Variants in DLGAP1 observed in about 807,000 individuals in gnomAD.
DLGAP1 encodes the protein DLG associated protein 1, also known as disks large-associated protein 1.
In DLGAP1, 11 loss-of-function variants were observed where a neutral mutation model predicts 90.8. The observed-to-expected ratio is 0.12, with a 90% confidence interval of 0.08 to 0.20. The LOEUF is 0.20. DLGAP1 is among the 10% of genes least tolerant of loss of function. The pLI is 1.00. For missense variants in DLGAP1, 1,050 were observed against 1,333.8 expected (o/e 0.79, Z 3.31); for synonymous variants, 558 against 540.7 (o/e 1.03, Z -0.44).
At chr18:3,780,813 T>A (rs1049454158) in intron 5 of DLGAP1, among the ~76,000 whole-genome samples, 4 of 152,122 alleles carry the variant, frequency 2.6e-5, no homozygotes, top group Admixed American at 6.5e-5. Context: ...ATTTATATAT[T>A]TTTTAGAGAC....
At chr18:3,819,660 T>C (rs1372886489) in intron 4 of DLGAP1, among the ~76,000 whole-genome samples, 1 of 152,212 alleles carries the variant, frequency 6.6e-6, no homozygotes, top group Non-Finnish European at 1.5e-5. Flanking sequence ...TAACCTCAGT[T>C]TGTCAAATAG....
chr18:3,651,229 G>T (rs1464160459), intron 7 of DLGAP1, among the ~76,000 whole-genome samples: 9 of 151,834 alleles, frequency 5.9e-5, no homozygotes, highest in African/African-American at 2.2e-4. Context: ...CATGGTGGCA[G>T]GCGCCTGTAA....
At chr18:3,894,859 A>G (rs2071575116) in intron 3 of DLGAP1, 1 of 152,122 alleles carries the variant, frequency 6.6e-6, no homozygotes. Context: ...ATCTTTGATG[A>G]TACTATTCAG....
intron 7 of DLGAP1, among the ~76,000 whole-genome samples, chr18:3,609,166 C>G (rs1366192855): frequency 1.3e-5 from 2 of 151,980 alleles, no homozygotes; most frequent in Non-Finnish European, 2.9e-5. Flanking sequence ...TCCTCAGCCT[C>G]CCAAGTAGCT....
chr18:3,758,109 G>GAA (rs1318845697), intron 5 of DLGAP1, among the ~76,000 whole-genome samples: 235 of 72,034 alleles, frequency 3.3e-3, no homozygotes, highest in African/African-American at 9.4e-3. Flanking sequence ...TCTATCTTGA[G>GAA]AAAAAAAAAA....
At chr18:3,550,977 G>T (rs1199260245) in intron 9 of DLGAP1, among the ~76,000 whole-genome samples, 1 of 151,492 alleles carries the variant, frequency 6.6e-6, no homozygotes. Context: ...CCTGACCTCA[G>T]GTGATCCACC....
At chr18:3,785,917 A>G (rs2065429969) in intron 5 of DLGAP1, among the ~76,000 whole-genome samples, 1 of 152,126 alleles carries the variant, frequency 6.6e-6, no homozygotes, top group Admixed American at 6.5e-5. Context: ...TTTTGGGGTA[A>G]AGTGTGCTGG....
intron 1 of DLGAP1, among the ~76,000 whole-genome samples, chr18:4,316,992 G>T (rs1224635586): frequency 6.6e-6 from 1 of 150,394 alleles, no homozygotes; most frequent in East Asian, 2.0e-4. Context: ...CTTCCCTCAT[G>T]ACCTACACCC....
At chr18:3,797,133 A>C (rs927165645) in intron 5 of DLGAP1, among the ~76,000 whole-genome samples, 5 of 152,158 alleles carry the variant, frequency 3.3e-5, no homozygotes, top group African/African-American at 4.8e-5. Flanking sequence ...GGAGATCGAG[A>C]CCATCCTGGC....
At chr18:3,544,144 C>T (rs1210906353) in intron 9 of DLGAP1, among the ~76,000 whole-genome samples, 1 of 152,158 alleles carries the variant, frequency 6.6e-6, no homozygotes, top group East Asian at 1.9e-4. Context: ...AATCCCAACA[C>T]CCGGGGAGGC....
At chr18:4,221,606 G>A (rs561323442) in intron 1 of DLGAP1, among the ~76,000 whole-genome samples, 1 of 152,226 alleles carries the variant, frequency 6.6e-6, no homozygotes, top group African/African-American at 2.4e-5. Context: ...CCTGGTCCTG[G>A]AAGATGCAGG....
In DLGAP1 at chr18:3,635,132, ATT is replaced by A. The variant is rs149375716; in HGVS notation, c.1592-52886_1592-52885del. Among the ~76,000 whole-genome samples, 1,283 of 140,154 alleles carry A rather than the reference ATT, an allele frequency of 9.2e-3. 18 individuals are homozygous for A. The highest frequency in any genetic ancestry group is 0.032 in the African/African-American group (1,200 of 38,086). The allele number at this position is 140,154 out of a possible 152,430, so 91.9% of individuals were successfully genotyped here. A position where few individuals can be genotyped will look rare whatever the true frequency, so the allele number is the denominator to read the frequency against. On this transcript the variant is annotated intron_variant, in intron 7 of 12. Transcript: ENST00000315677. Reference sequence around the variant, plus strand: ...AGTCAAGAGTCTGGTTGTCTGTCCCATTTTTTTTTTTTTTTTGAGAGGGAGTC... The same window carrying A: ...AGTCAAGAGTCTGGTTGTCTGTCCCATTTTTTTTTTTTTTGAGAGGGAGTC...
intron 1 of DLGAP1, among the ~76,000 whole-genome samples, chr18:4,328,184 G>A (rs1417264762): frequency 6.6e-6 from 1 of 151,884 alleles, no homozygotes; most frequent in East Asian, 1.9e-4. Flanking sequence ...GAACTCCCAA[G>A]TATATGAGCA....
rs992510806 is a variant in DLGAP1 at position 3,565,243 on chromosome 18, G to T, written c.2057+2247C>A. On this transcript the variant is annotated intron_variant, in intron 9 of 12. Transcript: ENST00000315677. The surrounding 1 kb of genome is among the most constrained non-coding windows in gnomAD (Gnocchi z 4.0). Reference sequence around the variant, plus strand: ...GGCTCACTGCAATCTCTGCCTCCTGGGTTAAAGGGATTGTCCTGCCTCAGC... The same window carrying T: ...GGCTCACTGCAATCTCTGCCTCCTGTGTTAAAGGGATTGTCCTGCCTCAGC... Among the ~76,000 whole-genome samples, 40 of 152,040 alleles carry T rather than the reference G, an allele frequency of 2.6e-4. No individual in the cohort carries two copies. Among genetic ancestry groups the T allele is most frequent in the African/African-American group, 9.2e-4 (38 of 41,414 alleles).
chr18:4,027,321 A>G (rs1411250798), intron 2 of DLGAP1, among the ~76,000 whole-genome samples: 1 of 151,600 alleles, frequency 6.6e-6, no homozygotes, highest in Non-Finnish European at 1.5e-5. Context: ...GCCTGGCCAA[A>G]ATGGCAAAAC....
chr18:4,372,681 C>A (rs376615293), intron 1 of DLGAP1, among the ~76,000 whole-genome samples: 2 of 152,110 alleles, frequency 1.3e-5, no homozygotes, highest in African/African-American at 4.8e-5. Context: ...AATCCCAGCA[C>A]TTTGGGAGGG....
intron 1 of DLGAP1, among the ~76,000 whole-genome samples, chr18:4,290,826 C>T (rs2079828629): frequency 6.6e-6 from 1 of 151,992 alleles, no homozygotes; most frequent in Non-Finnish European, 1.5e-5. Context: ...AAACCAAACC[C>T]ACATGTGGTC....
chr18:3,588,790 A>C (rs1261131825), intron 7 of DLGAP1, among the ~76,000 whole-genome samples: 2 of 151,530 alleles, frequency 1.3e-5, no homozygotes, highest in Non-Finnish European at 2.9e-5. Flanking sequence ...AAAAAAAAAA[A>C]AAAGAAAAAA....
intron 2 of DLGAP1, among the ~76,000 whole-genome samples, chr18:4,146,818 G>T (rs1428088751): frequency 2.0e-5 from 3 of 152,016 alleles, no homozygotes; most frequent in African/African-American, 7.3e-5. Context: ...TGCGTTCTGA[G>T]GTTGACTGCA....
Sources: gnomAD v4.1 joint callset for allele counts (sites outside exome capture counted in the v4.1 genomes callset) on GRCh38, gnomAD v4.1.1 for gene constraint, Gnocchi (gnomAD v3.1) non-coding constraint, MANE v1.5 for transcripts, NCBI Gene and HGNC (gene_info 2026-07-23, HGNC 2026-07-21) for gene names.